The following OR10A2 variants were observed in gnomAD, a reference collection of about 807,000 sequenced individuals.
OR10A2 encodes the protein olfactory receptor family 10 subfamily A member 2.
In OR10A2, 15 loss-of-function variants were observed where a neutral mutation model predicts 13.7. The observed-to-expected ratio is 1.10, with a 90% confidence interval of 0.73 to 1.69. OR10A2 has a LOEUF of 1.69. Among genes scored for constraint, OR10A2 ranks in the 40% most tolerant of loss-of-function variants. The pLI is 0.00. For missense variants in OR10A2, 343 were observed against 361.1 expected (o/e 0.95, Z 0.41); for synonymous variants, 145 against 144.7 (o/e 1.00, Z -0.02).
Position 6,869,683 on chromosome 11 carries a change from G to C in OR10A2, c.-72G>C, listed in dbSNP as rs1396304111. ...CTTCCAATCAATAATCTTTCTCCAT[G>C]ACCACAGTTGGGGACTTCTGCCCAC... On this transcript the variant is annotated 5_prime_UTR_variant, in exon 2 of 2. The change abolishes an upstream ATG in the 5' untranslated region. Transcript: ENST00000641461. The C allele has an allele frequency of 2.4e-6, 3 of 1,236,008 alleles. No homozygotes were observed. In the African/African-American group the frequency reaches 4.5e-5, roughly 19 times the overall value. 76.6% of individuals were successfully genotyped at this position (1,236,008 alleles called of 1,614,324 possible). A position where few individuals can be genotyped will look rare whatever the true frequency, so the allele number is the denominator to read the frequency against.
At chr11:6,863,622 G>A (rs1023609222) in intron 1 of OR10A2, among the ~76,000 whole-genome samples, 4 of 152,034 alleles carry the variant, frequency 2.6e-5, no homozygotes, top group Admixed American at 2.6e-4. Context: ...AGTTTTCTGA[G>A]TCAGGAAGCT....
chr11:6,866,790 G>T (rs11041066), intron 1 of OR10A2, among the ~76,000 whole-genome samples: 49,637 of 151,728 alleles, frequency 0.33, 8,609 homozygotes, highest in South Asian at 0.41. Context: ...AAATCTTTCA[G>T]TAAAATAAAA....
At chr11:6,865,684 A>C (rs983468074) in intron 1 of OR10A2, among the ~76,000 whole-genome samples, 1 of 150,360 alleles carries the variant, frequency 6.7e-6, no homozygotes, top group African/African-American at 2.5e-5. Context: ...AATGTGTTCA[A>C]AGCTTATTGC....
rs750506081 is a variant in OR10A2 at position 6,870,318 on chromosome 11, C to T, written c.564C>T (p.Val188=). The part of the protein sequence containing the change: ...DTALFEIYAI[V]GTILVVMIPC... ...CACTCTTTGAGATCTACGCCATCGT[C>T]GGAACCATTCTGGTGGTCATGATCC... is the stretch of plus-strand genomic sequence containing the variant. The change falls in exon 2 of 2, where the codon GTC becomes GTT. Residue 188 remains valine, a synonymous_variant. Coordinates refer to ENST00000641461, the MANE Select transcript of OR10A2 (RefSeq NM_001004460.2). 2.4e-5 allele frequency: 38 copies of T among 1,614,196 alleles called. No homozygotes were observed. The highest frequency in any genetic ancestry group is 1.6e-4 in the Middle Eastern group (1 of 6,062).
chr11:6,870,697 A>T lies in OR10A2; in HGVS notation c.*31A>T. ...AGGAAGTAAGGCTACATTTTACTGGATGAGAAACAATCAGTCCCAGATTTG... is the reference window on the plus strand; with the variant it reads ...AGGAAGTAAGGCTACATTTTACTGGTTGAGAAACAATCAGTCCCAGATTTG... On this transcript the variant is annotated 3_prime_UTR_variant, in exon 2 of 2. Transcript: ENST00000641461. The T allele has an allele frequency of 6.9e-7, 1 of 1,449,410 alleles. No individual in the cohort carries two copies. The highest frequency in any genetic ancestry group is 9.3e-7 in the Non-Finnish European group (1 of 1,071,740). The allele number at this position is 1,449,410 out of a possible 1,614,324, so 89.8% of individuals were successfully genotyped here. A position where few individuals can be genotyped will look rare whatever the true frequency, so the allele number is the denominator to read the frequency against.
Position 6,869,683 on chromosome 11 carries a change from G to A in OR10A2, c.-72G>A. 1 of 1,236,126 alleles carries A rather than the reference G, an allele frequency of 8.1e-7. No individual in the cohort carries two copies. The highest frequency in any genetic ancestry group is 1.2e-6 in the Non-Finnish European group (1 of 861,414). 76.6% of individuals were successfully genotyped at this position (1,236,126 alleles called of 1,614,324 possible). On this transcript the variant is annotated 5_prime_UTR_variant, in exon 2 of 2. An upstream start codon of the reference 5' UTR is lost. Transcript: ENST00000641461. ...CTTCCAATCAATAATCTTTCTCCAT[G>A]ACCACAGTTGGGGACTTCTGCCCAC...
chr11:6,870,454 G>A lies in OR10A2; in HGVS notation c.700G>A (p.Val234Ile). The A allele has an allele frequency of 6.2e-7, 1 of 1,614,130 alleles. No homozygotes were observed. The highest frequency in any genetic ancestry group is 8.5e-7 in the Non-Finnish European group (1 of 1,180,016). ...TTCTACATGTTCCTCACACCTCCTT[G>A]TTGTCTCTCTTTTCTATATATCATT... ...AFSTCSSHLL[V>I]VSLFYISLSL... is the part of the protein sequence containing the mutation. The change falls in exon 2 of 2, where the codon GTT (valine) becomes ATT (isoleucine). Residue 234 changes from valine to isoleucine, a missense_variant. By Grantham distance (29) the Val-to-Ile change is conservative. Coordinates refer to ENST00000641461, the MANE Select transcript of OR10A2 (RefSeq NM_001004460.2).
chr11:6,868,775 C>A (rs979959789), intron 1 of OR10A2, among the ~76,000 whole-genome samples: 15 of 152,098 alleles, frequency 9.9e-5, no homozygotes, highest in African/African-American at 3.1e-4. Context: ...CATTTCTCCA[C>A]TAGACTTCAA....
In OR10A2 at chr11:6,869,742, T is replaced by A. The variant is rs778542601; in HGVS notation, c.-13T>A. ...CTACAGGAAACTGGACAAGAATAAG[T>A]GAGTTTATCCTCATGAGCTTCTCTT... On this transcript the variant is annotated 5_prime_UTR_variant, in exon 2 of 2. Transcript: ENST00000641461. The A allele has an allele frequency of 3.0e-5, 49 of 1,608,994 alleles. No homozygotes were observed. The highest frequency in any genetic ancestry group is 3.9e-5 in the Non-Finnish European group (46 of 1,175,946).
rs1848455854 is a variant in OR10A2 at position 6,873,431 on chromosome 11, G to C, written c.*2765G>C. The C allele has an allele frequency of 6.6e-6, 1 of 152,200 alleles. No individual in the cohort carries two copies. Among genetic ancestry groups the C allele is most frequent in the African/African-American group, 2.4e-5 (1 of 41,434 alleles). The allele number at this position is 152,200 out of a possible 1,614,324, so 9.4% of individuals were successfully genotyped here. ...GCTGAGACAATTTGTACTGGGGTAG[G>C]GGGTAGTCCTTAGTATGGGTAAAGA... On this transcript the variant is annotated 3_prime_UTR_variant, in exon 2 of 2. Coordinates refer to ENST00000641461, the MANE Select transcript of OR10A2 (RefSeq NM_001004460.2).
chr11:6,866,339 TGCGGGCTGCATGCAGACCA>T (rs907721282), intron 1 of OR10A2, among the ~76,000 whole-genome samples: 88 of 152,364 alleles, frequency 5.8e-4, no homozygotes, highest in African/African-American at 2.0e-3. Context: ...TGTCCAACCC[TGCGGGCTGCATGCAGACCA>T]GGACGGCTTT....
chr11:6,864,144 C>T (rs984316493), intron 1 of OR10A2, among the ~76,000 whole-genome samples: 1 of 152,122 alleles, frequency 6.6e-6, no homozygotes, highest in Non-Finnish European at 1.5e-5. Flanking sequence ...AATGCCTCTC[C>T]CACACTGGAG....
rs1238381413 is a variant in OR10A2, at chr11:6,873,584, T to C, written c.*2918T>C. The stretch of plus-strand genomic sequence containing the variant: ...AGGAGTGCTGAGAGACTATGATGTG[T>C]GTAAGGAACACAAAGCATTTTTGTG... On this transcript the variant is annotated 3_prime_UTR_variant, in exon 2 of 2. Transcript: ENST00000641461. 5 of 152,272 alleles carry C rather than the reference T, an allele frequency of 3.3e-5. 1 individual carries two copies. The Middle Eastern group carries it at 0.01, about 311-fold the overall frequency. 9.4% of individuals were successfully genotyped at this position (152,272 alleles called of 1,614,324 possible).
In OR10A2 at chr11:6,869,620, C is replaced by T. The variant is rs1848407555; in HGVS notation, c.-132-3C>T. The T allele has an allele frequency of 4.9e-6, 4 of 815,714 alleles. No individual in the cohort carries two copies. Among genetic ancestry groups the T allele is most frequent in the Admixed American group, 2.2e-5 (1 of 45,252 alleles). 50.5% of individuals were successfully genotyped at this position (815,714 alleles called of 1,614,324 possible). On this transcript the variant is annotated splice_region_variant and splice_polypyrimidine_tract_variant and intron_variant, in intron 1 of 1. Coordinates refer to ENST00000641461, the MANE Select transcript of OR10A2 (RefSeq NM_001004460.2). Reference sequence around the variant, plus strand: ...GTGCTGACCTTGCCTCTTTCCCTGACAGTAAGAACGAGTCTGAAAAACAAA... The same window carrying T: ...GTGCTGACCTTGCCTCTTTCCCTGATAGTAAGAACGAGTCTGAAAAACAAA...
At chr11:6,869,516 C>T in intron 1 of OR10A2, 107 bp from the exon 2 acceptor site, 1 of 540,934 alleles carries the variant, frequency 1.8e-6, no homozygotes, top group Non-Finnish European at 3.3e-6. Context: ...CTGATTCAGG[C>T]CCATCTCAGA....
intron 1 of OR10A2, among the ~76,000 whole-genome samples, chr11:6,864,720 C>G (rs1029448996): frequency 6.6e-6 from 1 of 151,912 alleles, no homozygotes; most frequent in African/African-American, 2.4e-5. Context: ...AAAAAGAACT[C>G]TGTTCAGTAA....
At position 6,869,834 on chromosome 11, in the gene OR10A2, T is replaced by C. The variant is rs752396890; in HGVS notation, c.80T>C (p.Met27Thr). The change falls in exon 2 of 2, where the codon ATG becomes ACG. Residue 27 changes from methionine (M) to threonine (T), a missense_variant. Physicochemically the swap from Met to Thr is moderately conservative, Grantham distance 81. Transcript: ENST00000641461. ...CTAACCATCTACCTGGTCACCCTGA[T>C]GGGAAACTGCCTCATCATTCTGGTT... is the stretch of plus-strand genomic sequence containing the variant. ...TFLTIYLVTL[M>T]GNCLIILVTL... is the part of the protein sequence containing the mutation. 1.2e-5 allele frequency: 19 copies of C among 1,614,084 alleles called. No individual in the cohort carries two copies. The East Asian group carries it at 4.0e-4, about 34-fold the overall frequency.
chr11:6,872,796 T>G lies in OR10A2; in HGVS notation c.*2130T>G, dbSNP rs993357544. On this transcript the variant is annotated 3_prime_UTR_variant, in exon 2 of 2. Transcript: ENST00000641461. ...AGCCATTGCATGCAACACAAGTGTTTCTCTTTTCTTTTCTTTCTTTCTTTT... is the reference window on the plus strand; with the variant it reads ...AGCCATTGCATGCAACACAAGTGTTGCTCTTTTCTTTTCTTTCTTTCTTTT... 2.0e-5 allele frequency: 3 copies of G among 151,430 alleles called. No homozygotes were observed. Among genetic ancestry groups the G allele is most frequent in the Admixed American group, 6.7e-5 (1 of 14,908 alleles). The allele number at this position is 151,430 out of a possible 1,614,324, so 9.4% of individuals were successfully genotyped here.
Position 6,870,947 on chromosome 11 carries a change from C to CTTTTTTTT in OR10A2, c.*291_*298dup, listed in dbSNP as rs35120311. On this transcript the variant is annotated 3_prime_UTR_variant, in exon 2 of 2. Coordinates refer to ENST00000641461, the MANE Select transcript of OR10A2 (RefSeq NM_001004460.2). ...CCAACTATTTCCAGGTGTTATATTT[C>CTTTTTTTT]TTTTTTTTTTTTTTTTTGAGACGGA... is the stretch of plus-strand genomic sequence containing the variant. 10,355 of 137,818 alleles carry CTTTTTTTT rather than the reference C, an allele frequency of 0.075. 719 individuals are homozygous for CTTTTTTTT. Among genetic ancestry groups the CTTTTTTTT allele is most frequent in the South Asian group, 0.12 (662 of 5,394 alleles). 8.5% of individuals were successfully genotyped at this position (137,818 alleles called of 1,614,324 possible). A position where few individuals can be genotyped will look rare whatever the true frequency, so the allele number is the denominator to read the frequency against.
Sources: allele counts gnomAD v4.1 joint callset (sites outside exome capture counted in the v4.1 genomes callset), GRCh38; gene constraint gnomAD v4.1.1; transcripts MANE v1.5; gene names NCBI Gene and HGNC (gene_info 2026-07-23, HGNC 2026-07-21).